Variants in CARNMT1 observed in about 807,000 individuals in gnomAD.
The protein encoded by CARNMT1 is protein-L-histidine N-pros-methyltransferase CARNMT1.
In CARNMT1, 28 loss-of-function variants were observed where a neutral mutation model predicts 49.6. The observed-to-expected ratio is 0.56, with a 90% confidence interval of 0.42 to 0.77. The LOEUF (loss-of-function observed/expected upper bound fraction) is 0.77. CARNMT1 is among the 30% of genes least tolerant of loss of function. The pLI, the probability that CARNMT1 is intolerant of heterozygous loss-of-function variation, is 0.00. For missense variants in CARNMT1, 421 were observed against 512.6 expected, an observed-to-expected ratio of 0.82 and a Z score of 1.73; for synonymous variants, 178 against 175.0, an observed-to-expected ratio of 1.02 and a Z score of -0.13.
chr9:75,007,053 C>T (rs1833531242), intron 3 of CARNMT1, among the ~76,000 whole-genome samples: 1 of 152,166 alleles, frequency 6.6e-6, no homozygotes, highest in Admixed American at 6.5e-5. Flanking sequence ...TTCACTCAAA[C>T]TTTGGTACAT....
At chr9:74,998,900 C>T (rs1313107530) in intron 4 of CARNMT1, 124 bp from the exon 5 acceptor site, 3 of 515,260 alleles carry the variant, frequency 5.8e-6, no homozygotes, top group African/African-American at 3.9e-5. Context: ...TAAAGAGTCA[C>T]TATTACAGCT....
At position 75,016,381 on chromosome 9, in the gene CARNMT1, T is replaced by G; in HGVS notation, c.477A>C (p.Lys159Asn). ...PASTFDMDKL[K>N]STLKQFVRDW... ...CTCTCACAAACTGTTTCAGCGTGGA[T>G]TTTAACTTATCCATGTCAAATGTAG... The change falls in exon 3 of 8, where the codon AAA (lysine) becomes AAC (asparagine). Residue 159 changes from lysine to asparagine, a missense_variant. Transcript: ENST00000376834. 1 of 1,614,148 alleles carries G rather than the reference T, an allele frequency of 6.2e-7. No homozygotes were observed. Among genetic ancestry groups the G allele is most frequent in the Non-Finnish European group, 8.5e-7 (1 of 1,179,996 alleles).
At chr9:74,990,912 G>C (rs1364803496) in intron 6 of CARNMT1, among the ~76,000 whole-genome samples, 1 of 152,142 alleles carries the variant, frequency 6.6e-6, no homozygotes, top group African/African-American at 2.4e-5. Context: ...TGACTGGATA[G>C]TAAAAATGTA....
intron 5 of CARNMT1, 26 bp downstream of exon 5, chr9:74,998,571 CT>C: frequency 1.3e-6 from 2 of 1,502,850 alleles, no homozygotes; most frequent in Non-Finnish European, 8.9e-7. Flanking sequence ...AAGGACAAGA[CT>C]TTTTAAACGC....
At chr9:75,000,454 T>C (rs1202858549) in intron 3 of CARNMT1, among the ~76,000 whole-genome samples, 1 of 152,002 alleles carries the variant, frequency 6.6e-6, no homozygotes, top group Non-Finnish European at 1.5e-5. Flanking sequence ...TGATAACAAA[T>C]ATATTACACC....
At position 74,981,025 on chromosome 9, in the gene CARNMT1, T is replaced by G. The variant is rs376844756; in HGVS notation, c.*2742A>C. ...TGAAAACCAAGCAACTATCGTTTCA[T>G]AGCAATTGGCAGACTTTAATATTCA... On this transcript the variant is annotated 3_prime_UTR_variant, in exon 8 of 8. Coordinates refer to ENST00000376834, the MANE Select transcript of CARNMT1 (RefSeq NM_152420.3). 14 of 152,300 alleles carry G rather than the reference T, an allele frequency of 9.2e-5. No homozygotes were observed. In the East Asian group the frequency reaches 1.5e-3, roughly 17 times the overall value. The allele number at this position is 152,300 out of a possible 1,614,324, so 9.4% of individuals were successfully genotyped here. A position where few individuals can be genotyped will look rare whatever the true frequency, so the allele number is the denominator to read the frequency against.
At chr9:74,996,622 ATTAT>A in intron 5 of CARNMT1, 62 bp from the exon 6 acceptor site, 1 of 923,918 alleles carries the variant, frequency 1.1e-6, no homozygotes, top group Non-Finnish European at 1.7e-6. Context: ...CTTTTAATTA[ATTAT>A]TTAAATCTGC....
At chr9:74,999,257 T>TG (rs1833287823) in intron 4 of CARNMT1, among the ~76,000 whole-genome samples, 1 of 152,172 alleles carries the variant, frequency 6.6e-6, no homozygotes, top group African/African-American at 2.4e-5. Context: ...TGTTTTCCAC[T>TG]GCCTTCCAAA....
chr9:75,028,367 C>A (rs1001086428), upstream of CARNMT1: 12 of 1,301,718 alleles, frequency 9.2e-6, 1 homozygote, highest in Middle Eastern at 5.8e-4. Flanking sequence ...GCGCGCTCCG[C>A]CCCCGCCACC....
intron 6 of CARNMT1, 127 bp from the exon 7 acceptor site, chr9:74,985,137 G>T: frequency 1.4e-6 from 1 of 691,128 alleles, no homozygotes; most frequent in Non-Finnish European, 2.4e-6. Flanking sequence ...GGCATTTGCT[G>T]AAAATGCCCA....
At chr9:75,009,843 C>G (rs1419791185) in intron 3 of CARNMT1, 1 of 152,072 alleles carries the variant, frequency 6.6e-6, no homozygotes, top group African/African-American at 2.4e-5. Flanking sequence ...AAATGTGGAA[C>G]TTATTGTTAT....
intron 3 of CARNMT1, among the ~76,000 whole-genome samples, chr9:75,009,167 A>G (rs910937021): frequency 6.6e-6 from 1 of 152,076 alleles, no homozygotes; most frequent in African/African-American, 2.4e-5. Context: ...AATTAACTCA[A>G]AATGGATCAA....
chr9:74,991,509 A>G (rs1257886573), intron 6 of CARNMT1: 1 of 152,108 alleles, frequency 6.6e-6, no homozygotes, highest in African/African-American at 2.4e-5. Context: ...CTGCTTGAGC[A>G]TTTTCCAAAG....
At chr9:75,000,217 TGAA>T (rs1833313634) in intron 3 of CARNMT1, among the ~76,000 whole-genome samples, 1 of 152,156 alleles carries the variant, frequency 6.6e-6, no homozygotes, top group Non-Finnish European at 1.5e-5. Flanking sequence ...CAATTAAATA[TGAA>T]GAGTTTGAAC....
chr9:74,998,866 A>G (rs1833274813), intron 4 of CARNMT1, 90 bp from the exon 5 acceptor site: 1 of 681,154 alleles, frequency 1.5e-6, no homozygotes, highest in Non-Finnish European at 2.3e-6. Context: ...GTTTAATTGA[A>G]GATTTGCATA....
At chr9:75,001,422 A>G (rs1029341735) in intron 3 of CARNMT1, among the ~76,000 whole-genome samples, 27 of 152,182 alleles carry the variant, frequency 1.8e-4, no homozygotes, top group African/African-American at 6.3e-4. Context: ...ACCTCAACCT[A>G]ATGGCAGAAA....
chr9:74,998,530 A>C, intron 5 of CARNMT1, 68 bp downstream of exon 5: 1 of 1,275,122 alleles, frequency 7.8e-7, no homozygotes, highest in Non-Finnish European at 1.1e-6. Context: ...ACCTTGGCTT[A>C]GGATAAAACT....
intron 6 of CARNMT1, among the ~76,000 whole-genome samples, chr9:74,988,659 T>C (rs1832922854): frequency 6.6e-6 from 1 of 152,146 alleles, no homozygotes. Context: ...TAGGTAATAG[T>C]GGATTAATTA....
chr9:75,008,504 G>T (rs1833588332), intron 3 of CARNMT1, among the ~76,000 whole-genome samples: 1 of 151,954 alleles, frequency 6.6e-6, no homozygotes, highest in Non-Finnish European at 1.5e-5. Context: ...GCTACATTTT[G>T]TATTTGTTGG....
Sources: allele counts gnomAD v4.1 joint callset (sites outside exome capture counted in the v4.1 genomes callset), GRCh38; gene constraint gnomAD v4.1.1; transcripts MANE v1.5; gene names NCBI Gene and HGNC (gene_info 2026-07-23, HGNC 2026-07-21).